The following WTAP variants were observed in gnomAD, a reference collection of about 807,000 sequenced individuals.
WTAP encodes pre-mRNA-splicing regulator WTAP.
A neutral mutation model predicts 50.0 loss-of-function variants in WTAP; 8 were observed. That is an observed-to-expected ratio of 0.16 (90% CI 0.09 to 0.29). The LOEUF (loss-of-function observed/expected upper bound fraction) is 0.29, where lower values mean the gene tolerates loss of function less well. Among genes scored for constraint, WTAP ranks in the 10% least tolerant of loss-of-function variants. The probability of loss-of-function intolerance (pLI) is 1.00; values close to 1 mark genes in which losing one functional copy is unlikely to be tolerated. For missense variants in WTAP, 295 were observed against 470.7 expected, an observed-to-expected ratio of 0.63 and a Z score of 3.45; for synonymous variants, 194 against 169.0, an observed-to-expected ratio of 1.15 and a Z score of -1.15.
chr6:159,728,205 T>TG, intron 1 of WTAP, among the ~76,000 whole-genome samples: 1 of 152,374 alleles, frequency 6.6e-6, no homozygotes, highest in Admixed American at 6.5e-5. Flanking sequence ...GGAAAGAAAC[T>TG]GAATTATTGC....
intron 3 of WTAP, 168 bp from the exon 4 acceptor site, chr6:159,741,920 C>G (rs938978699): frequency 1.5e-5 from 8 of 533,750 alleles, no homozygotes; most frequent in Admixed American, 3.7e-5. Flanking sequence ...ACGCTGCACT[C>G]CAGCCTGGGG....
chr6:159,743,822 T>C (rs754361463), intron 5 of WTAP, 30 bp downstream of exon 5: 1 of 1,561,968 alleles, frequency 6.4e-7, no homozygotes, highest in Admixed American at 2.0e-5. Flanking sequence ...TAAATGTCTT[T>C]AGTTGAGGAA....
chr6:159,731,997 G>C (rs979152036), intron 1 of WTAP, among the ~76,000 whole-genome samples: 5 of 152,074 alleles, frequency 3.3e-5, no homozygotes, highest in Non-Finnish European at 7.4e-5. Context: ...AGTAAACCTA[G>C]GGAAAGTATC....
chr6:159,755,440 C>T lies in WTAP; in HGVS notation c.1020C>T (p.Asp340=), dbSNP rs771794184. Residue 340 remains aspartate (D), a synonymous_variant, in exon 8 of 8, where the codon GAC becomes GAT. Coordinates refer to ENST00000621533, the MANE Select transcript of WTAP (RefSeq NM_001270531.2). The part of the protein sequence containing the change: ...NQLSAGYESV[D]SPTGSENSLT... ...TCAGTGCGGGGTATGAAAGTGTAGA[C>T]TCTCCCACGGGCAGTGAAAACTCTC... The T allele has an allele frequency of 3.7e-6, 6 of 1,613,750 alleles. No individual in the cohort carries two copies. Among genetic ancestry groups the T allele is most frequent in the Non-Finnish European group, 4.2e-6 (5 of 1,179,972 alleles).
upstream of WTAP, chr6:159,726,992 G>C: frequency 1.6e-6 from 2 of 1,273,872 alleles, no homozygotes; most frequent in Non-Finnish European, 2.0e-6. Flanking sequence ...CGCCGCCTTC[G>C]CCCAGATCCC....
chr6:159,727,629 G>C lies in WTAP; in HGVS notation c.-83G>C. ...GTCCGGCTGCGCGGTGGCCCGGGGGGCCCGGGCGGCAGGGCAAGCAGCGCG... is the reference window on the plus strand; with the variant it reads ...GTCCGGCTGCGCGGTGGCCCGGGGGCCCCGGGCGGCAGGGCAAGCAGCGCG... On this transcript the variant is annotated 5_prime_UTR_variant, in exon 1 of 8. Coordinates refer to ENST00000621533, the MANE Select transcript of WTAP (RefSeq NM_001270531.2). 1.0e-6 allele frequency: 1 copy of C among 986,184 alleles called. No individual in the cohort carries two copies. Among genetic ancestry groups the C allele is most frequent in the East Asian group, 1.1e-4 (1 of 8,798 alleles). 61.1% of individuals were successfully genotyped at this position (986,184 alleles called of 1,614,324 possible). A position where few individuals can be genotyped will look rare whatever the true frequency, so the allele number is the denominator to read the frequency against.
Position 159,755,900 on chromosome 6 carries a change from T to A in WTAP, c.*289T>A, listed in dbSNP as rs1433179045. ...TATTTTTATATGAGTTAATGTGAAA[T>A]TGTAAATGGAAATTTTTCCTTAAAA... On this transcript the variant is annotated 3_prime_UTR_variant, in exon 8 of 8. Coordinates refer to ENST00000621533, the MANE Select transcript of WTAP (RefSeq NM_001270531.2). 4 of 333,648 alleles carry A rather than the reference T, an allele frequency of 1.2e-5. No homozygotes were observed. The highest frequency in any genetic ancestry group is 2.0e-5 in the Non-Finnish European group (4 of 197,132). 20.7% of individuals were successfully genotyped at this position (333,648 alleles called of 1,614,324 possible). A position where few individuals can be genotyped will look rare whatever the true frequency, so the allele number is the denominator to read the frequency against.
At chr6:159,735,202 G>A (rs114119472) in intron 1 of WTAP, among the ~76,000 whole-genome samples, 2,278 of 152,224 alleles carry the variant, frequency 0.015, 58 homozygotes, top group African/African-American at 0.052. Flanking sequence ...GCAGTGGCGC[G>A]CCATCTCGGC....
Position 159,727,657 on chromosome 6 carries a change from C to T in WTAP, c.-55C>T. On this transcript the variant is annotated 5_prime_UTR_variant, in exon 1 of 8. Transcript: ENST00000621533. Reference sequence around the variant, plus strand: ...CGGGCGGCAGGGCAAGCAGCGCGGCCTCGGCCTATGCGACCGGTGGCGCCG... The same window carrying T: ...CGGGCGGCAGGGCAAGCAGCGCGGCTTCGGCCTATGCGACCGGTGGCGCCG... 2 of 985,712 alleles carry T rather than the reference C, an allele frequency of 2.0e-6. No homozygotes were observed. Among genetic ancestry groups the T allele is most frequent in the Non-Finnish European group, 2.4e-6 (2 of 830,398 alleles). The allele number at this position is 985,712 out of a possible 1,614,324, so 61.1% of individuals were successfully genotyped here.
intron 1 of WTAP, among the ~76,000 whole-genome samples, chr6:159,728,119 C>T (rs1778327351): frequency 6.6e-6 from 1 of 152,272 alleles, no homozygotes; most frequent in Non-Finnish European, 1.5e-5. Flanking sequence ...TCGTTCCCTA[C>T]ATTTCATGTC....
chr6:159,741,407 A>G (rs12190141), intron 3 of WTAP, among the ~76,000 whole-genome samples: 2,965 of 152,294 alleles, frequency 0.019, 38 homozygotes, highest in Middle Eastern at 0.037. Context: ...GTATTTTCCC[A>G]AAAGAGCCAA....
chr6:159,727,443 G>A (rs1391618470), upstream of WTAP: 1 of 1,096,648 alleles, frequency 9.1e-7, no homozygotes. Flanking sequence ...ACCGGCTGTG[G>A]GGCGGGGCAG....
Position 159,739,007 on chromosome 6 carries a change from A to C in WTAP, c.48A>C (p.Thr16=). ...CTTTATAGGTTCGATTGAGTGAAAC[A>C]GACTTCAAAGTTATGGCAAGAGATG... The part of the protein sequence containing the change: ...PLPKKVRLSE[T]DFKVMARDEL... Residue 16 remains threonine, a synonymous_variant, in exon 3 of 8, where the codon ACA becomes ACC. Coordinates refer to ENST00000621533, the MANE Select transcript of WTAP (RefSeq NM_001270531.2). 6.2e-7 allele frequency: 1 copy of C among 1,612,440 alleles called. No individual in the cohort carries two copies. Among genetic ancestry groups the C allele is most frequent in the Non-Finnish European group, 8.5e-7 (1 of 1,179,096 alleles).
upstream of WTAP, chr6:159,727,094 G>C: frequency 8.4e-7 from 1 of 1,194,620 alleles, no homozygotes; most frequent in Non-Finnish European, 1.1e-6. Flanking sequence ...CTCCGACCTC[G>C]CTGGCCCGCC....
chr6:159,734,403 C>G (rs757899965), intron 1 of WTAP, among the ~76,000 whole-genome samples: 7 of 149,560 alleles, frequency 4.7e-5, no homozygotes, highest in Non-Finnish European at 8.9e-5. Flanking sequence ...TTCAGTTTAA[C>G]ATACCAAGCT....
At chr6:159,733,283 A>T (rs184440050) in intron 1 of WTAP, among the ~76,000 whole-genome samples, 1 of 152,326 alleles carries the variant, frequency 6.6e-6, no homozygotes, top group Admixed American at 6.5e-5. Context: ...AGAAACAAAT[A>T]CTGAGGTTTT....
At chr6:159,727,001 C>T (rs995629230), upstream of WTAP, 5 of 1,266,024 alleles carry the variant, frequency 3.9e-6, 1 homozygote, top group Non-Finnish European at 2.0e-6. Context: ...CGCCCAGATC[C>T]CTCCGCACGA....
intron 1 of WTAP, among the ~76,000 whole-genome samples, chr6:159,735,863 CTT>C (rs1778882185): frequency 6.6e-6 from 1 of 152,108 alleles, no homozygotes; most frequent in Non-Finnish European, 1.5e-5. Flanking sequence ...AAAGGAAAGA[CTT>C]AAACTGGTAT....
At chr6:159,745,583 A>C (rs911012825) in intron 5 of WTAP, among the ~76,000 whole-genome samples, 2 of 152,170 alleles carry the variant, frequency 1.3e-5, no homozygotes, top group Non-Finnish European at 1.5e-5. Context: ...TATATATGGC[A>C]GATGAGGATA....
Sources: gnomAD v4.1 joint callset for allele counts (sites outside exome capture counted in the v4.1 genomes callset) on GRCh38, gnomAD v4.1.1 for gene constraint, MANE v1.5 for transcripts, NCBI Gene and HGNC (gene_info 2026-07-23, HGNC 2026-07-21) for gene names.